OLFM2: variants seen among roughly 807,000 people sequenced by gnomAD.
OLFM2 encodes the protein noelin-2.
In OLFM2, 20 loss-of-function variants were observed where a neutral mutation model predicts 43.9. That is an observed-to-expected ratio of 0.46 (90% CI 0.32 to 0.66). The LOEUF is 0.66. Ranked by LOEUF, OLFM2 falls within the 30% of genes least tolerant of loss-of-function variation. The pLI, the probability that OLFM2 is intolerant of heterozygous loss-of-function variation, is 0.04. For synonymous variants in OLFM2, 268 were observed against 278.6 expected, an observed-to-expected ratio of 0.96 and a Z score of 0.38; for missense variants, 416 against 643.6, an observed-to-expected ratio of 0.65 and a Z score of 3.83.
intron 1 of OLFM2, among the ~76,000 whole-genome samples, chr19:9,876,957 C>A (rs1037329952): frequency 6.6e-6 from 1 of 152,084 alleles, no homozygotes; most frequent in Non-Finnish European, 1.5e-5. Context: ...AGGCTGGGTG[C>A]GGTGGCTCAC....
intron 1 of OLFM2, among the ~76,000 whole-genome samples, chr19:9,919,314 C>CT (rs1463912955): frequency 2.6e-5 from 4 of 151,762 alleles, no homozygotes; most frequent in African/African-American, 9.7e-5. Flanking sequence ...CTACAGGCGC[C>CT]TACCACCACG....
chr19:9,894,187 G>A (rs2046661820), intron 1 of OLFM2, among the ~76,000 whole-genome samples: 2 of 151,950 alleles, frequency 1.3e-5, no homozygotes, highest in East Asian at 3.9e-4. Context: ...CAGCTACTCA[G>A]GAGGCTGAGG....
chr19:9,917,450 G>A (rs867453104), intron 1 of OLFM2, among the ~76,000 whole-genome samples: 5 of 152,104 alleles, frequency 3.3e-5, no homozygotes, highest in Admixed American at 6.6e-5. Flanking sequence ...CTTCCTGGTC[G>A]GTTTATCCAA....
intron 1 of OLFM2, among the ~76,000 whole-genome samples, chr19:9,896,814 C>T (rs2046689382): frequency 1.3e-5 from 2 of 152,184 alleles, no homozygotes. Flanking sequence ...TCATCACCTA[C>T]CTCCCTGTTT....
chr19:9,855,131 A>T (rs1599461647), intron 5 of OLFM2, among the ~76,000 whole-genome samples: 1 of 151,968 alleles, frequency 6.6e-6, no homozygotes, highest in Admixed American at 6.6e-5. Context: ...ATGACCAGGG[A>T]ATTCCTGGGC....
rs935023530 is a variant in OLFM2, at chr19:9,936,464, C to A, written c.-98G>T. ...CGCGACCCCGCCCGCCCGGCCGGGGCGACCCTGCGCCGCCGCCTCCCCCGC... is the reference window on the plus strand; with the variant it reads ...CGCGACCCCGCCCGCCCGGCCGGGGAGACCCTGCGCCGCCGCCTCCCCCGC... On this transcript the variant is annotated 5_prime_UTR_variant, in exon 1 of 6. Transcript: ENST00000264833. The A allele has an allele frequency of 9.0e-6, 8 of 888,806 alleles. No homozygotes were observed. The highest frequency in any genetic ancestry group is 6.1e-5 in the Admixed American group (1 of 16,404). 55.1% of individuals were successfully genotyped at this position (888,806 alleles called of 1,614,324 possible).
chr19:9,880,273 T>C (rs563271176), intron 1 of OLFM2, among the ~76,000 whole-genome samples: 9 of 152,316 alleles, frequency 5.9e-5, no homozygotes, highest in African/African-American at 1.9e-4. Context: ...GGGCAGAGCA[T>C]CCGTTCATCC....
At chr19:9,934,229 G>A (rs983185778) in intron 1 of OLFM2, among the ~76,000 whole-genome samples, 5 of 152,112 alleles carry the variant, frequency 3.3e-5, no homozygotes, top group African/African-American at 7.2e-5. Flanking sequence ...TGTATGGGGC[G>A]CCGAGACTGT....
At chr19:9,871,809 T>G (rs1412859870) in intron 1 of OLFM2, among the ~76,000 whole-genome samples, 3 of 152,164 alleles carry the variant, frequency 2.0e-5, no homozygotes, top group Admixed American at 6.5e-5. Flanking sequence ...GAGTTTTGTT[T>G]GCTGTGCAAA....
rs1374009087 is a variant in OLFM2 at position 9,858,216 on chromosome 19, G to C, written c.214-355C>G. On this transcript the variant is annotated intron_variant, in intron 2 of 5. Coordinates refer to ENST00000264833, the MANE Select transcript of OLFM2 (RefSeq NM_058164.4). ...TTCCTCCTCCACAGATCCTGTGCTG[G>C]CTGGTCCTGCCCACCCCCCCCGCCC... 8.0e-6 allele frequency: 3 copies of C among 372,902 alleles called. No individual in the cohort carries two copies. In the East Asian group the frequency reaches 2.0e-4, roughly 25 times the overall value. The allele number at this position is 372,902 out of a possible 1,614,324, so 23.1% of individuals were successfully genotyped here. A position where few individuals can be genotyped will look rare whatever the true frequency, so the allele number is the denominator to read the frequency against.
At chr19:9,910,680 T>C (rs1483408346) in intron 1 of OLFM2, among the ~76,000 whole-genome samples, 1 of 152,022 alleles carries the variant, frequency 6.6e-6, no homozygotes, top group Non-Finnish European at 1.5e-5. Context: ...TAATGGATAA[T>C]GCATGCATGG....
At chr19:9,904,179 T>C (rs1407452158) in intron 1 of OLFM2, among the ~76,000 whole-genome samples, 1 of 150,764 alleles carries the variant, frequency 6.6e-6, no homozygotes, top group Admixed American at 6.7e-5. Flanking sequence ...TGTGTGTGTG[T>C]GTGTGTGTGT....
At position 9,916,591 on chromosome 19, in the gene OLFM2, C is replaced by T. The variant is rs148111575; in HGVS notation, c.63+19713G>A. Among the ~76,000 whole-genome samples the T allele has an allele frequency of 6.0e-4, 92 of 152,246 alleles. 1 individual carries two copies. In the East Asian group the frequency reaches 0.016, roughly 26 times the overall value. On this transcript the variant is annotated intron_variant, in intron 1 of 5. Transcript: ENST00000264833. ...GAAACCAGGACTGTCTGATTTCAGACCCTAAGACCAACTGGGCTCCAGGCC... is the reference window on the plus strand; with the variant it reads ...GAAACCAGGACTGTCTGATTTCAGATCCTAAGACCAACTGGGCTCCAGGCC...
intron 1 of OLFM2, among the ~76,000 whole-genome samples, chr19:9,904,606 G>C (rs1260281801): frequency 6.6e-6 from 1 of 151,948 alleles, no homozygotes; most frequent in South Asian, 2.1e-4. Flanking sequence ...AGCAGAAGTG[G>C]GGTTGAGAAG....
At chr19:9,860,502 TG>T in intron 2 of OLFM2, 142 bp downstream of exon 2, 1 of 765,964 alleles carries the variant, frequency 1.3e-6, no homozygotes, top group Non-Finnish European at 2.0e-6. Context: ...AGGACCTGCC[TG>T]GAGAGGAGCT....
chr19:9,865,408 T>C (rs2046392975), intron 1 of OLFM2, among the ~76,000 whole-genome samples: 1 of 150,702 alleles, frequency 6.6e-6, no homozygotes, highest in African/African-American at 2.4e-5. Context: ...ACTCCTGGGC[T>C]CAAGCGATCC....
At chr19:9,894,948 G>A (rs2144967898) in intron 1 of OLFM2, among the ~76,000 whole-genome samples, 1 of 152,014 alleles carries the variant, frequency 6.6e-6, no homozygotes. Flanking sequence ...GGCATCTCAA[G>A]CCCAACATGC....
At position 9,854,967 on chromosome 19, in the gene OLFM2, TA is replaced by T. The variant is rs2046304035; in HGVS notation, c.688-105del. The T allele has an allele frequency of 1.2e-6, 1 of 849,032 alleles. No homozygotes were observed. The highest frequency in any genetic ancestry group is 1.7e-5 in the African/African-American group (1 of 58,212). The allele number at this position is 849,032 out of a possible 1,614,324, so 52.6% of individuals were successfully genotyped here. A position where few individuals can be genotyped will look rare whatever the true frequency, so the allele number is the denominator to read the frequency against. On this transcript the variant is annotated intron_variant, in intron 5 of 5. Coordinates refer to ENST00000264833, the MANE Select transcript of OLFM2 (RefSeq NM_058164.4). The surrounding 1 kb of genome is among the most constrained non-coding windows in gnomAD (Gnocchi z 9.5). The stretch of plus-strand genomic sequence containing the variant: ...AGTTCAACAGTCACTAAGTGGTCAT[TA>T]GTCATGGGAACTCTGTTGACCATTC...
intron 1 of OLFM2, among the ~76,000 whole-genome samples, chr19:9,920,257 CAA>C (rs2086411595): frequency 3.3e-5 from 5 of 152,086 alleles, no homozygotes; most frequent in Non-Finnish European, 7.4e-5. Context: ...CCAGCCTGGG[CAA>C]CAGAGCAAGA....
Sources: gnomAD v4.1 joint callset for allele counts (sites outside exome capture counted in the v4.1 genomes callset) on GRCh38, gnomAD v4.1.1 for gene constraint, Gnocchi (gnomAD v3.1) non-coding constraint, MANE v1.5 for transcripts, NCBI Gene and HGNC (gene_info 2026-07-23, HGNC 2026-07-21) for gene names.